The following ST3GAL1 variants were observed in gnomAD, a reference collection of about 807,000 sequenced individuals.
ST3GAL1 encodes CMP-N-acetylneuraminate-beta-galactosamide-alpha-2,3-sialyltransferase 1.
ST3GAL1 carries 16 observed loss-of-function variants against 34.1 expected under a neutral mutation model. The ratio of observed to expected loss-of-function variants is 0.47; its 90% confidence interval spans 0.32 to 0.71. ST3GAL1 has a LOEUF of 0.71. Ranked by LOEUF, ST3GAL1 falls within the 30% of genes least tolerant of loss-of-function variation. The probability of loss-of-function intolerance (pLI) is 0.04; values close to 1 mark genes in which losing one functional copy is unlikely to be tolerated. For synonymous variants in ST3GAL1, 191 were observed against 184.7 expected (o/e 1.03, Z -0.28); for missense variants, 353 against 447.4 (o/e 0.79, Z 1.90).
At chr8:133,502,380 G>A (rs11778572) in intron 2 of ST3GAL1, among the ~76,000 whole-genome samples, 26,529 of 151,084 alleles carry the variant, frequency 0.18, 2,707 homozygotes, top group South Asian at 0.23. Context: ...AAGGTTAAAT[G>A]AGGTCATAAT....
At position 133,457,645 on chromosome 8, in the gene ST3GAL1, C is replaced by T. The variant is rs939823446; in HGVS notation, c.*2119G>A. The T allele has an allele frequency of 6.6e-6, 1 of 152,226 alleles. No homozygotes were observed. Among genetic ancestry groups the T allele is most frequent in the Non-Finnish European group, 1.5e-5 (1 of 68,044 alleles). 9.4% of individuals were successfully genotyped at this position (152,226 alleles called of 1,614,324 possible). ...GTTTTCGGTTTGTTTAACACATTCC[C>T]CATTCTGAACCTTTGAGAATCTAAT... On this transcript the variant is annotated 3_prime_UTR_variant, in exon 10 of 10. Transcript: ENST00000522652.
At chr8:133,532,014 A>G (rs1037413942) in intron 2 of ST3GAL1, among the ~76,000 whole-genome samples, 1 of 152,180 alleles carries the variant, frequency 6.6e-6, no homozygotes, top group African/African-American at 2.4e-5. Flanking sequence ...CTCCCCAGAG[A>G]CAAATGACAT....
rs137958510 is a variant in ST3GAL1 at position 133,505,727 on chromosome 8, T to C, written c.-428-6538A>G. Among the ~76,000 whole-genome samples the C allele has an allele frequency of 5.6e-3, 846 of 152,072 alleles. 5 individuals are homozygous for C. The highest frequency in any genetic ancestry group is 0.019 in the African/African-American group (800 of 41,484). ...AAGCGAGTCTCCTGCCTCAGTCTCC[T>C]GAGTAGCTGGGATTACAGGTGTGTG... On this transcript the variant is annotated intron_variant, in intron 2 of 9. Transcript: ENST00000522652.
intron 2 of ST3GAL1, among the ~76,000 whole-genome samples, chr8:133,518,626 C>T (rs571105618): frequency 6.6e-6 from 1 of 152,224 alleles, no homozygotes. Flanking sequence ...GCAGCAAACA[C>T]AGCCCCACCC....
chr8:133,465,598 C>T (rs1815701355), intron 6 of ST3GAL1: 2 of 323,080 alleles, frequency 6.2e-6, no homozygotes, highest in Non-Finnish European at 5.6e-6. Flanking sequence ...AGAGTCCTCA[C>T]ATTAATTTTG....
rs1247742569 is a variant in ST3GAL1, at chr8:133,520,977, C to CAGTCTT, written c.-428-21794_-428-21789dup. On this transcript the variant is annotated intron_variant, in intron 2 of 9. Transcript: ENST00000522652. ...GGGTTGTTTTTTTTTTTTTTTGAGA[C>CAGTCTT]AGTCTTGCTCTGTTGCCCAGGCTAG... 1.8e-3 allele frequency among the ~76,000 whole-genome samples: 145 copies of CAGTCTT among 80,392 alleles called. 1 individual carries two copies. Among genetic ancestry groups the CAGTCTT allele is most frequent in the Non-Finnish European group, 2.8e-3 (118 of 42,102 alleles). The allele number at this position is 80,392 out of a possible 152,430, so 52.7% of individuals were successfully genotyped here. A position where few individuals can be genotyped will look rare whatever the true frequency, so the allele number is the denominator to read the frequency against.
At chr8:133,492,491 C>T (rs1156506255) in intron 3 of ST3GAL1, among the ~76,000 whole-genome samples, 1 of 152,164 alleles carries the variant, frequency 6.6e-6, no homozygotes, top group East Asian at 1.9e-4. Context: ...GAGGCTGCAG[C>T]AGGTGGATCA....
intron 1 of ST3GAL1, among the ~76,000 whole-genome samples, chr8:133,553,357 G>A (rs934208499): frequency 1.3e-5 from 2 of 152,160 alleles, no homozygotes; most frequent in Admixed American, 6.5e-5. Flanking sequence ...AGCCTTGCCC[G>A]TGTGCCTCTG....
chr8:133,544,811 G>C (rs1326666154), intron 2 of ST3GAL1, among the ~76,000 whole-genome samples: 5 of 152,226 alleles, frequency 3.3e-5, no homozygotes, highest in African/African-American at 9.6e-5. Flanking sequence ...TCTTATACTA[G>C]AGGGAGAGAG....
intron 5 of ST3GAL1, among the ~76,000 whole-genome samples, chr8:133,474,254 C>G (rs953220390): frequency 1.1e-4 from 16 of 152,158 alleles, no homozygotes; most frequent in African/African-American, 3.9e-4. Context: ...GACCATCGCT[C>G]CTGTGCCCAC....
chr8:133,464,418 T>C (rs1043564247), intron 7 of ST3GAL1, among the ~76,000 whole-genome samples: 1 of 152,120 alleles, frequency 6.6e-6, no homozygotes, highest in Non-Finnish European at 1.5e-5. Context: ...CTCACATAAG[T>C]TTGAAAAATA....
intron 2 of ST3GAL1, chr8:133,539,517 A>G (rs1328978861): frequency 6.6e-6 from 1 of 152,188 alleles, no homozygotes; most frequent in African/African-American, 2.4e-5. Flanking sequence ...GAAAACTCCC[A>G]AATTGTATAA....
At chr8:133,471,402 G>A (rs1178364831) in intron 5 of ST3GAL1, among the ~76,000 whole-genome samples, 2 of 152,222 alleles carry the variant, frequency 1.3e-5, no homozygotes, top group Non-Finnish European at 2.9e-5. Flanking sequence ...GCAGGACTCA[G>A]ATGGCTCACC....
At chr8:133,513,984 A>G (rs930298826) in intron 2 of ST3GAL1, among the ~76,000 whole-genome samples, 36 of 152,216 alleles carry the variant, frequency 2.4e-4, no homozygotes, top group African/African-American at 8.7e-4. Flanking sequence ...TAAATGGCAA[A>G]CCAGGAAGCG....
chr8:133,469,786 G>A lies in ST3GAL1; in HGVS notation c.307-3696C>T, dbSNP rs896870105. On this transcript the variant is annotated intron_variant, in intron 5 of 9. Coordinates refer to ENST00000522652, the MANE Select transcript of ST3GAL1 (RefSeq NM_173344.3). The surrounding 1 kb of genome is among the most constrained non-coding windows in gnomAD (Gnocchi z 4.3). The stretch of plus-strand genomic sequence containing the variant: ...GCAGAGACAGGTGGGAAGGAGGGAC[G>A]GCAGAAATGACCTCCGGGCTCTGTG... Among the ~76,000 whole-genome samples, 70 of 152,310 alleles carry A rather than the reference G, an allele frequency of 4.6e-4. No individual in the cohort carries two copies. The highest frequency in any genetic ancestry group is 1.6e-3 in the African/African-American group (67 of 41,568).
At chr8:133,563,931 T>C (rs1333966965) in intron 1 of ST3GAL1, among the ~76,000 whole-genome samples, 3 of 152,142 alleles carry the variant, frequency 2.0e-5, no homozygotes, top group Non-Finnish European at 4.4e-5. Flanking sequence ...AGTAAGTCAA[T>C]GCTGTCCCAT....
intron 2 of ST3GAL1, among the ~76,000 whole-genome samples, chr8:133,503,482 C>G (rs1817245504): frequency 6.6e-6 from 1 of 152,166 alleles, no homozygotes; most frequent in Middle Eastern, 3.4e-3. Context: ...TCTCCGCCAC[C>G]CCTCCTTGAA....
chr8:133,468,335 T>G (rs1002387074), intron 5 of ST3GAL1, among the ~76,000 whole-genome samples: 2 of 152,206 alleles, frequency 1.3e-5, no homozygotes, highest in Non-Finnish European at 2.9e-5. Flanking sequence ...TTGAAAATAC[T>G]AATATTATGA....
intron 1 of ST3GAL1, among the ~76,000 whole-genome samples, chr8:133,550,123 G>A (rs1818798221): frequency 6.6e-6 from 1 of 152,144 alleles, no homozygotes; most frequent in Admixed American, 6.5e-5. Context: ...CAGATCCCAG[G>A]AACAGCCTGA....
Sources: allele counts gnomAD v4.1 joint callset (sites outside exome capture counted in the v4.1 genomes callset), GRCh38; gene constraint gnomAD v4.1.1; non-coding constraint Gnocchi (gnomAD v3.1); transcripts MANE v1.5; gene names NCBI Gene and HGNC (gene_info 2026-07-23, HGNC 2026-07-21).